PLPP1: variants seen among roughly 807,000 people sequenced by gnomAD.
PLPP1 encodes the protein lipid phosphate phosphohydrolase 1a.
Under a neutral mutation model 31.2 loss-of-function variants are expected in PLPP1, and 24 were observed. That is an observed-to-expected ratio of 0.77 (90% CI 0.56 to 1.08). The LOEUF is 1.08. Ranked by LOEUF, PLPP1 falls within the 50% of genes least tolerant of loss-of-function variation. The pLI is 0.00. For synonymous variants in PLPP1, 146 were observed against 126.3 expected, an observed-to-expected ratio of 1.16 and a Z score of -1.05; for missense variants, 319 against 342.7, an observed-to-expected ratio of 0.93 and a Z score of 0.55.
chr5:55,436,069 C>T (rs1331091428), intron 4 of PLPP1, among the ~76,000 whole-genome samples: 1 of 150,200 alleles, frequency 6.7e-6, no homozygotes, highest in South Asian at 2.1e-4. Context: ...GAGATTCATA[C>T]AAGCAATTTC....
intron 3 of PLPP1, among the ~76,000 whole-genome samples, chr5:55,460,584 C>T (rs1458920498): frequency 6.6e-6 from 1 of 152,124 alleles, no homozygotes; most frequent in Non-Finnish European, 1.5e-5. Context: ...ATGAAATGGA[C>T]AAATCCCTTA....
intron 2 of PLPP1, chr5:55,468,356 A>G (rs542822253): frequency 2.4e-5 from 11 of 465,156 alleles, no homozygotes; most frequent in East Asian, 1.4e-4. Flanking sequence ...AATGGTGGAC[A>G]TTACTTACAA....
In PLPP1 at chr5:55,534,933, T is replaced by C. The variant is rs1740834657; in HGVS notation, c.-304A>G. 2.5e-6 allele frequency: 1 copy of C among 394,614 alleles called. No homozygotes were observed. The highest frequency in any genetic ancestry group is 4.1e-5 in the South Asian group (1 of 24,198). The allele number at this position is 394,614 out of a possible 1,614,324, so 24.4% of individuals were successfully genotyped here. A position where few individuals can be genotyped will look rare whatever the true frequency, so the allele number is the denominator to read the frequency against. On this transcript the variant is annotated 5_prime_UTR_variant, in exon 1 of 6. Transcript: ENST00000307259. Reference sequence around the variant, plus strand: ...CTCAGCCGGCACGGCCTGCCCCGGTTGCTCCCCGTCCGGATCCCGGCGCTC... The same window carrying C: ...CTCAGCCGGCACGGCCTGCCCCGGTCGCTCCCCGTCCGGATCCCGGCGCTC...
chr5:55,512,501 GAAAAGA>G (rs1561253102), intron 1 of PLPP1, among the ~76,000 whole-genome samples: 294 of 13,510 alleles, frequency 0.022, 19 homozygotes, highest in African/African-American at 0.05. Context: ...AGAAAGAAAA[GAAAAGA>G]AAAGAAAAGA....
chr5:55,436,717 G>A (rs139469462), intron 4 of PLPP1, among the ~76,000 whole-genome samples: 127 of 152,218 alleles, frequency 8.3e-4, no homozygotes, highest in African/African-American at 3.0e-3. Flanking sequence ...AAATTACAAG[G>A]TATGCCCATT....
At position 55,497,666 on chromosome 5, in the gene PLPP1, C is replaced by G. The variant is rs1217370305; in HGVS notation, c.59-22216G>C. ...GGCAACACAGCCATCAGGATCCCAGCAGGAAACAGATAGCACCCCCAAACT... is the reference window on the plus strand; with the variant it reads ...GGCAACACAGCCATCAGGATCCCAGGAGGAAACAGATAGCACCCCCAAACT... On this transcript the variant is annotated intron_variant, in intron 1 of 5. Coordinates refer to ENST00000307259, the MANE Select transcript of PLPP1 (RefSeq NM_003711.4). 2.6e-5 allele frequency among the ~76,000 whole-genome samples: 4 copies of G among 152,060 alleles called. No individual in the cohort carries two copies. The South Asian group carries it at 6.2e-4, about 24-fold the overall frequency.
At chr5:55,477,015 C>T (rs1752564062) in intron 1 of PLPP1, among the ~76,000 whole-genome samples, 1 of 145,378 alleles carries the variant, frequency 6.9e-6, no homozygotes, top group Non-Finnish European at 1.5e-5. Context: ...AGCTATACTT[C>T]TAGTAATGCT....
intron 1 of PLPP1, among the ~76,000 whole-genome samples, chr5:55,516,374 C>CA (rs1753555467): frequency 1.3e-5 from 2 of 151,920 alleles, no homozygotes; most frequent in Admixed American, 6.6e-5. Context: ...CCTCATCCTC[C>CA]TTTTTTTTAG....
At chr5:55,447,287 A>ACCGTGTTAAACCGTGT (rs1245003009) in intron 3 of PLPP1, among the ~76,000 whole-genome samples, 6 of 152,216 alleles carry the variant, frequency 3.9e-5, no homozygotes, top group Non-Finnish European at 7.3e-5. Flanking sequence ...TTTGTTTTTA[A>ACCGTGTTAAACCGTGT]TTATACAGTG....
Position 55,425,913 on chromosome 5 carries a change from T to TCCA in PLPP1, c.673_675dup (p.Trp225dup). On this transcript the variant is annotated inframe_insertion, in exon 5 of 6. Coordinates refer to ENST00000307259, the MANE Select transcript of PLPP1 (RefSeq NM_003711.4). The stretch of plus-strand genomic sequence containing the variant: ...TGAATGAGTCCAGTCAACACATCGC[T>TCCA]CCAGTGGTGTTTATAATCAGAAACT... 1.2e-6 allele frequency: 2 copies of TCCA among 1,613,786 alleles called. No individual in the cohort carries two copies. The highest frequency in any genetic ancestry group is 1.7e-6 in the Non-Finnish European group (2 of 1,179,944).
intron 4 of PLPP1, among the ~76,000 whole-genome samples, chr5:55,431,918 C>G (rs1179317251): frequency 6.6e-6 from 1 of 152,052 alleles, no homozygotes; most frequent in Non-Finnish European, 1.5e-5. Flanking sequence ...TACAAAAGAA[C>G]ATCTATCTCC....
intron 1 of PLPP1, among the ~76,000 whole-genome samples, chr5:55,495,591 T>A (rs1561246446): frequency 6.6e-6 from 1 of 152,140 alleles, no homozygotes; most frequent in Non-Finnish European, 1.5e-5. Flanking sequence ...GAGAATATAT[T>A]ATACCGTCTC....
At chr5:55,524,668 G>C (rs562741246) in intron 1 of PLPP1, among the ~76,000 whole-genome samples, 1 of 152,082 alleles carries the variant, frequency 6.6e-6, no homozygotes, top group East Asian at 1.9e-4. Flanking sequence ...AAATTAGCCC[G>C]ACGTGGTGGT....
chr5:55,476,042 G>A (rs754784376), intron 1 of PLPP1, among the ~76,000 whole-genome samples: 10 of 149,586 alleles, frequency 6.7e-5, no homozygotes, highest in Non-Finnish European at 1.2e-4. Flanking sequence ...GCGATGGTGC[G>A]ATCATAGCTA....
chr5:55,467,823 CCAAGAA>C, intron 3 of PLPP1, 40 bp downstream of exon 3: 1 of 1,536,372 alleles, frequency 6.5e-7, no homozygotes, highest in Non-Finnish European at 8.8e-7. Context: ...ACCTTCTATT[CCAAGAA>C]TATACAAGAT....
chr5:55,523,188 A>G (rs933089020), intron 1 of PLPP1, among the ~76,000 whole-genome samples: 1 of 152,086 alleles, frequency 6.6e-6, no homozygotes, highest in African/African-American at 2.4e-5. Flanking sequence ...CATCAGGGTA[A>G]ATGGGGTATC....
chr5:55,441,887 G>A lies in PLPP1; in HGVS notation c.513C>T (p.His171=). 1 of 1,613,990 alleles carries A rather than the reference G, an allele frequency of 6.2e-7. No homozygotes were observed. The highest frequency in any genetic ancestry group is 8.5e-7 in the Non-Finnish European group (1 of 1,179,842). Residue 171 remains histidine, a synonymous_variant, in exon 4 of 6, where the codon CAC becomes CAT. Coordinates refer to ENST00000307259, the MANE Select transcript of PLPP1 (RefSeq NM_003711.4). ...GCATGCAGTACATGGAAAACGAAGA[G>A]TGGCCTGAATAGAAGGACAACCTGG... The part of the protein sequence containing the change: ...KEGRLSFYSG[H]SSFSMYCMLF...
intron 2 of PLPP1, among the ~76,000 whole-genome samples, chr5:55,473,948 C>T (rs1474840005): frequency 2.6e-5 from 4 of 151,568 alleles, no homozygotes; most frequent in Non-Finnish European, 5.9e-5. Flanking sequence ...GGATTACAGG[C>T]GTGAGCCACC....
chr5:55,462,613 G>A (rs1388536119), intron 3 of PLPP1, among the ~76,000 whole-genome samples: 1 of 151,848 alleles, frequency 6.6e-6, no homozygotes, highest in African/African-American at 2.4e-5. Context: ...AACCATAAAA[G>A]AAAAAAATGA....
Sources: gnomAD v4.1 joint callset for allele counts (sites outside exome capture counted in the v4.1 genomes callset) on GRCh38, gnomAD v4.1.1 for gene constraint, MANE v1.5 for transcripts, NCBI Gene and HGNC (gene_info 2026-07-23, HGNC 2026-07-21) for gene names.